Variants in STARD5 observed in about 807,000 individuals in gnomAD.
The protein encoded by STARD5 is StAR related lipid transfer domain containing 5.
STARD5 carries 26 observed loss-of-function variants against 24.6 expected under a neutral mutation model. The ratio of observed to expected loss-of-function variants is 1.06; its 90% CI spans 0.77 to 1.47. STARD5 has a LOEUF of 1.47. Ranked by LOEUF, STARD5 falls within the 40% of genes most tolerant of loss-of-function variation. The pLI, the probability that STARD5 is intolerant of heterozygous loss-of-function variation, is 0.00. For synonymous variants in STARD5, 101 were observed against 99.7 expected, an observed-to-expected ratio of 1.01 and a Z score of -0.07; for missense variants, 254 against 270.8, an observed-to-expected ratio of 0.94 and a Z score of 0.44.
At position 81,319,351 on chromosome 15, in the gene STARD5, T is replaced by C. The variant is rs143662006; in HGVS notation, c.388A>G (p.Ile130Val). Residue 130 changes from isoleucine (I) to valine (V), a missense_variant, in exon 4 of 6, where the codon ATC becomes GTC. By Grantham distance (29) the Ile-to-Val change is conservative (BLOSUM62 3). Coordinates refer to ENST00000302824, the MANE Select transcript of STARD5 (RefSeq NM_181900.3). ...VLVKRYEDGT[I>V]SSNATHVEHP... ...GGGCATCACTCACCGTTGGAACTGA[T>C]GGTCCCATCCTCATATCTCTTGACT... The C allele has an allele frequency of 6.0e-4, 969 of 1,614,014 alleles. 3 individuals carry two copies. Among genetic ancestry groups the C allele is most frequent in the Non-Finnish European group, 7.1e-4 (834 of 1,179,844 alleles).
Position 81,323,788 on chromosome 15 carries a change from G to T in STARD5, c.99+213C>A, listed in dbSNP as rs764814000. On this transcript the variant is annotated intron_variant, in intron 1 of 5. Coordinates refer to ENST00000302824, the MANE Select transcript of STARD5 (RefSeq NM_181900.3). ...CCTTGGGCAAGTCACTGAGTGAAAG[G>T]AACAGATACTTACCACCTGAAGTCA... 4.3e-6 allele frequency: 3 copies of T among 704,190 alleles called. No individual in the cohort carries two copies. The South Asian group carries it at 5.2e-5, about 12-fold the overall frequency. 43.6% of individuals were successfully genotyped at this position (704,190 alleles called of 1,614,324 possible). A position where few individuals can be genotyped will look rare whatever the true frequency, so the allele number is the denominator to read the frequency against.
chr15:81,318,653 ACCCTACTG>A (rs1201440062), intron 4 of STARD5, 151 bp from the exon 5 acceptor site: 15 of 651,336 alleles, frequency 2.3e-5, no homozygotes, highest in African/African-American at 2.0e-4. Context: ...CCCTACTCCC[ACCCTACTG>A]CCCCTTACAC....
rs142492113 is a variant in STARD5 at position 81,322,986 on chromosome 15, G to A, written c.100-38C>T. 2.0e-4 allele frequency: 327 copies of A among 1,610,176 alleles called. 2 individuals are homozygous for A. The East Asian group carries it at 6.5e-3, about 32-fold the overall frequency. ...ACAGAACCACAGAATTTTAGAGCTAGAAGGGCTCTGGTCACCTGGCTTAAT... is the reference window on the plus strand; with the variant it reads ...ACAGAACCACAGAATTTTAGAGCTAAAAGGGCTCTGGTCACCTGGCTTAAT... On this transcript the variant is annotated intron_variant, in intron 1 of 5. Transcript: ENST00000302824.
At position 81,309,393 on chromosome 15, in the gene STARD5, C is replaced by T. The variant is rs1278500910; in HGVS notation, c.*3863G>A. On this transcript the variant is annotated 3_prime_UTR_variant, in exon 6 of 6. Coordinates refer to ENST00000302824, the MANE Select transcript of STARD5 (RefSeq NM_181900.3). ...CCTTGTGGCCTGGGCCTCCTCACAA[C>T]ATGGTGTCTGGATTCCCAGGATGAG... is the stretch of plus-strand genomic sequence containing the variant. 1 of 152,564 alleles carries T rather than the reference C, an allele frequency of 6.6e-6. No homozygotes were observed. The highest frequency in any genetic ancestry group is 1.9e-4 in the East Asian group (1 of 5,236). The allele number at this position is 152,564 out of a possible 1,614,324, so 9.5% of individuals were successfully genotyped here.
chr15:81,322,657 C>T, intron 2 of STARD5, 117 bp from the exon 3 acceptor site: 1 of 1,524,550 alleles, frequency 6.6e-7, no homozygotes, highest in Non-Finnish European at 8.9e-7. Context: ...TTAGGACAGA[C>T]TTGCAGAGAA....
rs112472324 is a variant in STARD5, at chr15:81,316,358, ATCTAAGT to A, written c.494+2044_494+2050del. 1.1e-3 allele frequency among the ~76,000 whole-genome samples: 172 copies of A among 152,282 alleles called. 2 individuals carry two copies. Among genetic ancestry groups the A allele is most frequent in the African/African-American group, 4.1e-3 (169 of 41,560 alleles). On this transcript the variant is annotated intron_variant, in intron 5 of 5. Coordinates refer to ENST00000302824, the MANE Select transcript of STARD5 (RefSeq NM_181900.3). ...TCTGTCTCCTCCTGCCTTCATTGGA[ATCTAAGT>A]TCTAAGAGGGCAGACACTCTAGCTG... is the stretch of plus-strand genomic sequence containing the variant.
chr15:81,318,583 G>A (rs1193906386), intron 4 of STARD5, 81 bp from the exon 5 acceptor site: 2 of 1,269,686 alleles, frequency 1.6e-6, no homozygotes, highest in African/African-American at 3.0e-5. Flanking sequence ...AGAGCACACA[G>A]ACCAGACTAC....
rs184796441 is a variant in STARD5, at chr15:81,324,093, G to C, written c.7C>G (p.Pro3Ala). Reference sequence around the variant, plus strand: ...TCGCTCATCTGGGCTGCCAGCGCCGGGTCCATTGCGTCGGGAGCTGCGCTT... The same window carrying C: ...TCGCTCATCTGGGCTGCCAGCGCCGCGTCCATTGCGTCGGGAGCTGCGCTT... The part of the protein sequence containing the change: MD[P>A]ALAAQMSEAV... The change falls in exon 1 of 6, where the codon CCG becomes GCG. Residue 3 changes from proline (P) to alanine (A), a missense_variant. Coordinates refer to ENST00000302824, the MANE Select transcript of STARD5 (RefSeq NM_181900.3). The C allele has an allele frequency of 2.0e-6, 3 of 1,480,104 alleles. No homozygotes were observed. The highest frequency in any genetic ancestry group is 2.7e-5 in the South Asian group (2 of 74,220). The allele number at this position is 1,480,104 out of a possible 1,614,324, so 91.7% of individuals were successfully genotyped here.
intron 5 of STARD5, among the ~76,000 whole-genome samples, chr15:81,315,432 G>A (rs1436819117): frequency 6.6e-6 from 1 of 152,092 alleles, no homozygotes; most frequent in African/African-American, 2.4e-5. Context: ...AAGGGCAAAA[G>A]GGGGCACAGA....
chr15:81,322,749 A>G (rs1303685751), intron 2 of STARD5, 150 bp downstream of exon 2: 5 of 1,316,916 alleles, frequency 3.8e-6, no homozygotes, highest in Non-Finnish European at 5.3e-6. Context: ...AGTTTGCTGG[A>G]AATGATTTCA....
At chr15:81,315,250 C>T (rs956287146) in intron 5 of STARD5, among the ~76,000 whole-genome samples, 1 of 152,144 alleles carries the variant, frequency 6.6e-6, no homozygotes, top group Admixed American at 6.5e-5. Context: ...GAAACATGAA[C>T]AGGTGAGTGA....
rs149278880 is a variant in STARD5, at chr15:81,317,659, A to G, written c.494+750T>C. 2.3e-3 allele frequency among the ~76,000 whole-genome samples: 343 copies of G among 152,286 alleles called. 2 individuals are homozygous for G. The highest frequency in any genetic ancestry group is 7.9e-3 in the African/African-American group (327 of 41,544). On this transcript the variant is annotated intron_variant, in intron 5 of 5. Coordinates refer to ENST00000302824, the MANE Select transcript of STARD5 (RefSeq NM_181900.3). ...ACACCGAGGCCCACCTCCTGGGACAATGTGGTAGAAGGACAGACCCCTTCC... is the reference window on the plus strand; with the variant it reads ...ACACCGAGGCCCACCTCCTGGGACAGTGTGGTAGAAGGACAGACCCCTTCC...
chr15:81,318,699 C>T (rs368422849), intron 4 of STARD5, among the ~76,000 whole-genome samples, 197 bp from the exon 5 acceptor site: 4 of 152,166 alleles, frequency 2.6e-5, no homozygotes, highest in South Asian at 4.1e-4. Flanking sequence ...CTCTCACATG[C>T]GTGTACACAA....
At chr15:81,314,610 C>G (rs548887989) in intron 5 of STARD5, among the ~76,000 whole-genome samples, 6 of 152,256 alleles carry the variant, frequency 3.9e-5, no homozygotes, top group African/African-American at 1.4e-4. Context: ...CAGGGCCAAG[C>G]ACGGTGGCTC....
intron 5 of STARD5, among the ~76,000 whole-genome samples, chr15:81,314,921 T>TAA (rs1901048377): frequency 8.6e-6 from 1 of 116,414 alleles, no homozygotes. Context: ...AAAAAGAATC[T>TAA]CACTCTTCAA....
At chr15:81,318,162 G>A (rs1470992330) in intron 5 of STARD5, among the ~76,000 whole-genome samples, 2 of 152,156 alleles carry the variant, frequency 1.3e-5, no homozygotes, top group Non-Finnish European at 2.9e-5. Flanking sequence ...AGGCTGCAGG[G>A]AAAATTTCCT....
chr15:81,311,040 A>G lies in STARD5; in HGVS notation c.*2216T>C, dbSNP rs919564268. 6.6e-6 allele frequency: 1 copy of G among 152,246 alleles called. No homozygotes were observed. Among genetic ancestry groups the G allele is most frequent in the Non-Finnish European group, 1.5e-5 (1 of 68,060 alleles). 9.4% of individuals were successfully genotyped at this position (152,246 alleles called of 1,614,324 possible). On this transcript the variant is annotated 3_prime_UTR_variant, in exon 6 of 6. Transcript: ENST00000302824. ...AGGTTTCTGGTCTCTAGGCTGGGGA[A>G]GTCCTCTGGGTAGGAATCAGCAAGA...
intron 5 of STARD5, among the ~76,000 whole-genome samples, chr15:81,316,401 T>C (rs912875626): frequency 2.0e-5 from 3 of 152,212 alleles, no homozygotes; most frequent in Admixed American, 6.5e-5. Flanking sequence ...TTTTGAGACA[T>C]CAATATCTGG....
chr15:81,319,494 C>A, intron 3 of STARD5, 38 bp from the exon 4 acceptor site: 1 of 1,574,820 alleles, frequency 6.3e-7, no homozygotes, highest in South Asian at 1.1e-5. Context: ...TGACTGCTGG[C>A]CAGACATCTT....
Sources: gnomAD v4.1 joint callset for allele counts (sites outside exome capture counted in the v4.1 genomes callset) on GRCh38, gnomAD v4.1.1 for gene constraint, MANE v1.5 for transcripts, NCBI Gene and HGNC (gene_info 2026-07-23, HGNC 2026-07-21) for gene names.